The following AAK1 variants were observed in gnomAD, a reference collection of about 807,000 sequenced individuals.
The protein encoded by AAK1 is AP2-associated protein kinase 1.
A neutral mutation model predicts 116.0 loss-of-function variants in AAK1; 37 were observed. The ratio of observed to expected loss-of-function variants is 0.32; its 90% CI spans 0.25 to 0.42. The LOEUF (loss-of-function observed/expected upper bound fraction) is 0.42, where lower values mean the gene tolerates loss of function less well. Among genes scored for constraint, AAK1 ranks in the 10% least tolerant of loss-of-function variants. The pLI, the probability that AAK1 is intolerant of heterozygous loss-of-function variation, is 1.00. For synonymous variants in AAK1, 458 were observed against 439.9 expected (o/e 1.04, Z -0.51); for missense variants, 919 against 1,170.6 (o/e 0.79, Z 3.14).
intron 15 of AAK1, 49 bp downstream of exon 15, chr2:69,507,370 GCA>G: frequency 6.3e-7 from 1 of 1,579,034 alleles, no homozygotes; most frequent in South Asian, 1.2e-5. Flanking sequence ...TTATTTCTTA[GCA>G]CAGAGAATCT....
rs1319120642 is a variant in AAK1, at chr2:69,606,424, C to T, written c.163+36454G>A. Among the ~76,000 whole-genome samples the T allele has an allele frequency of 2.0e-5, 3 of 152,178 alleles. No homozygotes were observed. The East Asian group carries it at 5.8e-4, about 29-fold the overall frequency. Reference sequence around the variant, plus strand: ...GCTGGAGATACAAAGATAAATATCCCCTGATGAGACTTCCAGGCTAGTACC... The same window carrying T: ...GCTGGAGATACAAAGATAAATATCCTCTGATGAGACTTCCAGGCTAGTACC... On this transcript the variant is annotated intron_variant, in intron 2 of 21. Coordinates refer to ENST00000409085, the MANE Select transcript of AAK1 (RefSeq NM_014911.5).
chr2:69,584,275 T>C (rs903976203), intron 2 of AAK1, among the ~76,000 whole-genome samples: 6 of 152,214 alleles, frequency 3.9e-5, no homozygotes, highest in African/African-American at 1.4e-4. Flanking sequence ...GGCCTCATAA[T>C]TAGGTCATTA....
At chr2:69,494,750 T>G (rs1191514368) in intron 17 of AAK1, among the ~76,000 whole-genome samples, 1 of 152,220 alleles carries the variant, frequency 6.6e-6, no homozygotes, top group East Asian at 1.9e-4. Flanking sequence ...TTAACTACCC[T>G]GTATTGAATC....
chr2:69,543,433 G>C lies in AAK1; in HGVS notation c.392-768C>G, dbSNP rs541445783. ...ATAGTATCTTCTTTTTTTTGAGACA[G>C]AGTCTCACTCTGTTGCCAGGCTAGA... is the stretch of plus-strand genomic sequence containing the variant. On this transcript the variant is annotated intron_variant, in intron 4 of 21. Coordinates refer to ENST00000409085, the MANE Select transcript of AAK1 (RefSeq NM_014911.5). Among the ~76,000 whole-genome samples the C allele has an allele frequency of 8.4e-4, 128 of 151,982 alleles. 1 individual carries two copies. Among genetic ancestry groups the C allele is most frequent in the South Asian group, 1.7e-3 (8 of 4,824 alleles).
intron 12 of AAK1, among the ~76,000 whole-genome samples, 155 bp downstream of exon 12, chr2:69,518,799 G>C (rs935369878): frequency 1.3e-5 from 2 of 152,184 alleles, no homozygotes; most frequent in African/African-American, 4.8e-5. Flanking sequence ...AGGGGTGTGA[G>C]TGATGGATCC....
intron 10 of AAK1, among the ~76,000 whole-genome samples, chr2:69,521,329 C>T (rs1209991739): frequency 1.3e-5 from 2 of 152,056 alleles, no homozygotes; most frequent in Admixed American, 1.3e-4. Flanking sequence ...GCGCTTTTAC[C>T]TAGTACCTCC....
chr2:69,542,574 A>T lies in AAK1; in HGVS notation c.483T>A (p.Ala161=). The T allele has an allele frequency of 6.2e-7, 1 of 1,614,076 alleles. No individual in the cohort carries two copies. Among genetic ancestry groups the T allele is most frequent in the Non-Finnish European group, 8.5e-7 (1 of 1,179,920 alleles). ...VLQIFCDTCE[A]VARLHQCKTP... ...TTTTGCACTGATGCAGGCGGGCAAC[A>T]GCTTCACAGGTATCACAAAATATCT... Residue 161 remains alanine (A), a synonymous_variant, in exon 5 of 22, where the codon GCT becomes GCA. Transcript: ENST00000409085.
In AAK1 at chr2:69,465,940, T is replaced by C; in HGVS notation, c.*9929A>G. On this transcript the variant is annotated 3_prime_UTR_variant, in exon 22 of 22. Coordinates refer to ENST00000409085, the MANE Select transcript of AAK1 (RefSeq NM_014911.5). ...GTCTGTGCAGGCAGCTCCTGGGAGG[T>C]GCATTGGATAACTGTTAACTCCTCC... The C allele has an allele frequency of 1.5e-6, 2 of 1,290,696 alleles. No individual in the cohort carries two copies. The highest frequency in any genetic ancestry group is 2.0e-6 in the Non-Finnish European group (2 of 988,858). 80.0% of individuals were successfully genotyped at this position (1,290,696 alleles called of 1,614,324 possible). A position where few individuals can be genotyped will look rare whatever the true frequency, so the allele number is the denominator to read the frequency against.
At chr2:69,599,329 T>C (rs1673449749) in intron 2 of AAK1, among the ~76,000 whole-genome samples, 2 of 151,698 alleles carry the variant, frequency 1.3e-5, no homozygotes, top group South Asian at 4.1e-4. Context: ...CACTTAATTT[T>C]GTGTATAACT....
intron 17 of AAK1, among the ~76,000 whole-genome samples, 186 bp from the exon 18 acceptor site, chr2:69,482,998 T>C (rs1267987099): frequency 6.6e-6 from 1 of 152,224 alleles, no homozygotes; most frequent in Non-Finnish European, 1.5e-5. Context: ...TTAAAAATGA[T>C]TACTTCCTCA....
rs144567576 is a variant in AAK1 at position 69,484,651 on chromosome 2, G to A, written c.2366-1839C>T. 8.6e-3 allele frequency among the ~76,000 whole-genome samples: 1,302 copies of A among 152,084 alleles called. 10 individuals are homozygous for A. The highest frequency in any genetic ancestry group is 0.029 in the South Asian group (139 of 4,824). On this transcript the variant is annotated intron_variant, in intron 17 of 21. Transcript: ENST00000409085. ...TCTACTTAAAATACAAAAATTAGCC[G>A]GGTGTGGTAGTGCATGCCTATAGTC...
chr2:69,520,909 G>A lies in AAK1; in HGVS notation c.1135C>T (p.Pro379Ser). 1 of 1,610,556 alleles carries A rather than the reference G, an allele frequency of 6.2e-7. No homozygotes were observed. Among genetic ancestry groups the A allele is most frequent in the Non-Finnish European group, 8.5e-7 (1 of 1,178,086 alleles). ...RPKAGQTQPN[P>S]GILPIQPALT... ...GCTGGCTGGATGGGAAGGATTCCTG[G>A]GTTCGGCTGAGTCTGCCCAGCTTTA... The change falls in exon 11 of 22, where the codon CCA becomes TCA. Residue 379 changes from proline to serine, a missense_variant. Transcript: ENST00000409085.
At chr2:69,634,623 A>G (rs1436885432) in intron 2 of AAK1, among the ~76,000 whole-genome samples, 2 of 152,210 alleles carry the variant, frequency 1.3e-5, no homozygotes, top group Non-Finnish European at 2.9e-5. Context: ...AGGCAATTAC[A>G]TATCTCTTGC....
At chr2:69,541,523 C>T (rs889280561) in intron 5 of AAK1, among the ~76,000 whole-genome samples, 2 of 152,162 alleles carry the variant, frequency 1.3e-5, no homozygotes, top group Non-Finnish European at 2.9e-5. Context: ...TGAGCCACCA[C>T]GCCTGGCCTG....
In AAK1 at chr2:69,474,225, A is replaced by G; in HGVS notation, c.*1644T>C. 2 of 985,882 alleles carry G rather than the reference A, an allele frequency of 2.0e-6. No homozygotes were observed. The highest frequency in any genetic ancestry group is 2.4e-6 in the Non-Finnish European group (2 of 829,936). The allele number at this position is 985,882 out of a possible 1,614,324, so 61.1% of individuals were successfully genotyped here. A position where few individuals can be genotyped will look rare whatever the true frequency, so the allele number is the denominator to read the frequency against. On this transcript the variant is annotated 3_prime_UTR_variant, in exon 22 of 22. Transcript: ENST00000409085. Reference sequence around the variant, plus strand: ...AGTGCAAATGTGAGGAAGAAGAAACAAAAGTACTAGATAGCAAAACAAGCA... The same window carrying G: ...AGTGCAAATGTGAGGAAGAAGAAACGAAAGTACTAGATAGCAAAACAAGCA...
chr2:69,471,194 G>A lies in AAK1; in HGVS notation c.*4675C>T. 7 of 985,458 alleles carry A rather than the reference G, an allele frequency of 7.1e-6. No individual in the cohort carries two copies. Among genetic ancestry groups the A allele is most frequent in the Non-Finnish European group, 7.2e-6 (6 of 829,936 alleles). The allele number at this position is 985,458 out of a possible 1,614,324, so 61.0% of individuals were successfully genotyped here. The stretch of plus-strand genomic sequence containing the variant: ...TAAATTCAGGTCACTACATCAAAGT[G>A]TGAACCAAGAACGTGTCTTTAATTC... On this transcript the variant is annotated 3_prime_UTR_variant, in exon 22 of 22. Transcript: ENST00000409085.
At position 69,480,876 on chromosome 2, in the gene AAK1, C is replaced by T. The variant is rs764898933; in HGVS notation, c.2553G>A (p.Val851=). ...PQRLPSQTES[V]TSNRTDSLTG... is the part of the protein sequence containing the mutation. ...CTGACTGACCTGTGCGATTCGAGGT[C>T]ACAGATTCCGTCTGAGATGGGAGGC... The change falls in exon 19 of 22, where the codon GTG becomes GTA. Residue 851 remains valine (V), a synonymous_variant. Transcript: ENST00000409085. The T allele has an allele frequency of 6.2e-7, 1 of 1,601,006 alleles. No individual in the cohort carries two copies. The highest frequency in any genetic ancestry group is 8.5e-7 in the Non-Finnish European group (1 of 1,174,352).
At chr2:69,614,087 G>A (rs1674210350) in intron 2 of AAK1, among the ~76,000 whole-genome samples, 1 of 152,220 alleles carries the variant, frequency 6.6e-6, no homozygotes, top group Non-Finnish European at 1.5e-5. Flanking sequence ...TGTCAGAAAT[G>A]TGAGTAGAGG....
Position 69,481,039 on chromosome 2 carries a change from C to T in AAK1, c.2468-78G>A, listed in dbSNP as rs1034474248. On this transcript the variant is annotated intron_variant, in intron 18 of 21. Transcript: ENST00000409085. ...AGTTTCTTTAGGAAATTCTGTGAAG[C>T]TTTCTTCTTTTTTTTTAATTCTCAT... The T allele has an allele frequency of 6.6e-6, 8 of 1,214,026 alleles. No individual in the cohort carries two copies. The East Asian group carries it at 1.8e-4, about 28-fold the overall frequency. The allele number at this position is 1,214,026 out of a possible 1,614,324, so 75.2% of individuals were successfully genotyped here.
Sources: gnomAD v4.1 joint callset for allele counts (sites outside exome capture counted in the v4.1 genomes callset) on GRCh38, gnomAD v4.1.1 for gene constraint, MANE v1.5 for transcripts, NCBI Gene and HGNC (gene_info 2026-07-23, HGNC 2026-07-21) for gene names.